Variants in MCM5 observed in about 807,000 individuals in gnomAD.
MCM5 encodes the protein DNA replication licensing factor MCM5.
MCM5 carries 46 observed loss-of-function variants against 79.9 expected under a neutral mutation model. The ratio of observed to expected loss-of-function variants is 0.58; its 90% CI spans 0.45 to 0.74. The LOEUF is 0.74. Among genes scored for constraint, MCM5 ranks in the 30% least tolerant of loss-of-function variants. The pLI, the probability that MCM5 is intolerant of heterozygous loss-of-function variation, is 0.00. For missense variants in MCM5, 883 were observed against 1,017.0 expected (o/e 0.87, Z 1.79); for synonymous variants, 404 against 390.5 (o/e 1.03, Z -0.41).
chr22:35,422,952 T>C (rs184968820), intron 15 of MCM5: 11 of 306,650 alleles, frequency 3.6e-5, no homozygotes, highest in African/African-American at 1.5e-4. Flanking sequence ...ATGTCTCTGC[T>C]GCGCTGGGCC....
Position 35,408,476 on chromosome 22 carries a change from TG to T in MCM5, c.667del (p.Asp223ThrfsTer5). 1 of 1,614,192 alleles carries T rather than the reference TG, an allele frequency of 6.2e-7. No individual in the cohort carries two copies. The highest frequency in any genetic ancestry group is 8.5e-7 in the Non-Finnish European group (1 of 1,180,026). ...ATCATGCCCGACAAATGCAAATGCG[TG>T]GACTTCCAGACCCTGAAGCTGCAGG... ...YFIMPDKCKC[V>X]DFQTLKLQEL... On this transcript the variant is annotated frameshift_variant, in exon 6 of 17. Transcript: ENST00000216122. LOFTEE classifies it high-confidence loss of function.
chr22:35,436,658 T>C, the MCM5 span, among the ~76,000 whole-genome samples: 83 of 152,226 alleles, frequency 5.5e-4, 2 homozygotes, highest in South Asian at 0.017. Context: ...TGCTCAGCTC[T>C]CCCCAGCCCT....
chr22:35,410,221 T>G (rs1334138292), intron 6 of MCM5: 1 of 166,520 alleles, frequency 6.0e-6, no homozygotes, highest in African/African-American at 2.4e-5. Flanking sequence ...ACTTGGAGAC[T>G]TCCCTGTTTC....
chr22:35,412,362 C>G (rs1449997971), intron 7 of MCM5, 148 bp from the exon 8 acceptor site: 2 of 543,456 alleles, frequency 3.7e-6, no homozygotes, highest in African/African-American at 1.9e-5. Flanking sequence ...GAGCTGGGAT[C>G]TCTGTTTACT....
At chr22:35,439,378 T>C in the MCM5 span, among the ~76,000 whole-genome samples, 3 of 148,884 alleles carry the variant, frequency 2.0e-5, no homozygotes, top group African/African-American at 7.5e-5. Flanking sequence ...TATTCATCCA[T>C]CTATCCATAC....
chr22:35,434,443 C>T, the MCM5 span, among the ~76,000 whole-genome samples: 3 of 152,152 alleles, frequency 2.0e-5, no homozygotes, highest in East Asian at 3.8e-4. Flanking sequence ...ATCCATTTAT[C>T]GGTCCCAGGG....
At chr22:35,404,735 T>C (rs1215220893) in intron 4 of MCM5, among the ~76,000 whole-genome samples, 1 of 152,148 alleles carries the variant, frequency 6.6e-6, no homozygotes, top group Non-Finnish European at 1.5e-5. Context: ...CCTGCTTTCT[T>C]TGAGAGCCCC....
At chr22:35,453,819 T>TATATATATATATAGAGAGAGAG in the MCM5 span, among the ~76,000 whole-genome samples, 8 of 81,540 alleles carry the variant, frequency 9.8e-5, no homozygotes, top group African/African-American at 4.2e-4. Flanking sequence ...TATATATATA[T>TATATATATATATAGAGAGAGAG]AGAGAGAGAG....
In MCM5 at chr22:35,419,964, A is replaced by C; in HGVS notation, c.1784A>C (p.Gln595Pro). Residue 595 changes from glutamine to proline, a missense_variant, in exon 14 of 17, where the codon CAG (glutamine) becomes CCG (proline). By Grantham distance (76) the Gln-to-Pro change is moderately conservative. Transcript: ENST00000216122. ...ATCATCATGCGGAGCGGGGCCCGTC[A>C]GCACGAGAGGGACAGTGACCGCCGC... ...RYIIMRSGAR[Q>P]HERDSDRRSS... is the part of the protein sequence containing the mutation. The C allele has an allele frequency of 6.2e-7, 1 of 1,613,182 alleles. No homozygotes were observed. Among genetic ancestry groups the C allele is most frequent in the Non-Finnish European group, 8.5e-7 (1 of 1,179,674 alleles).
At position 35,424,459 on chromosome 22, in the gene MCM5, GC is replaced by G; in HGVS notation, c.*205del. On this transcript the variant is annotated 3_prime_UTR_variant, in exon 17 of 17. Transcript: ENST00000216122. ...CCTCTAGCGCGGTTCTGGGAAGTGTGCTTTTGGCATCCGTTAATAATAAAGC... is the reference window on the plus strand; with the variant it reads ...CCTCTAGCGCGGTTCTGGGAAGTGTGTTTTGGCATCCGTTAATAATAAAGC... 2.0e-6 allele frequency: 1 copy of G among 508,876 alleles called. No homozygotes were observed. Among genetic ancestry groups the G allele is most frequent in the Non-Finnish European group, 3.5e-6 (1 of 288,530 alleles). The allele number at this position is 508,876 out of a possible 1,614,324, so 31.5% of individuals were successfully genotyped here.
intron 15 of MCM5, chr22:35,422,501 G>A (rs1488385714): frequency 6.6e-6 from 1 of 152,308 alleles, no homozygotes; most frequent in African/African-American, 2.4e-5. Context: ...TGTTCCTCCT[G>A]TCCCCCTTGG....
intron 4 of MCM5, among the ~76,000 whole-genome samples, chr22:35,405,742 G>T (rs2145785170): frequency 6.6e-6 from 1 of 152,166 alleles, no homozygotes; most frequent in Non-Finnish European, 1.5e-5. Context: ...GGGCGCGGTG[G>T]CTCATGCCTG....
chr22:35,445,619 C>G, the MCM5 span, among the ~76,000 whole-genome samples: 1 of 152,006 alleles, frequency 6.6e-6, no homozygotes, highest in African/African-American at 2.4e-5. Flanking sequence ...ACGCCATTCT[C>G]ATGCCTCAGC....
At chr22:35,420,643 TA>T (rs1932670776) in intron 14 of MCM5, among the ~76,000 whole-genome samples, 2 of 152,194 alleles carry the variant, frequency 1.3e-5, no homozygotes, top group East Asian at 3.8e-4. Flanking sequence ...AGATGGCCGC[TA>T]GAACTTCAGC....
intron 13 of MCM5, among the ~76,000 whole-genome samples, chr22:35,419,514 G>C (rs189233709): frequency 2.6e-5 from 4 of 152,332 alleles, no homozygotes; most frequent in Admixed American, 1.3e-4. Flanking sequence ...CCACCACCCA[G>C]TGGGCCTCCA....
At chr22:35,412,882 CCCTGGCAAGGGGGAGACTGGGGG>C in intron 8 of MCM5, among the ~76,000 whole-genome samples, 1 of 152,294 alleles carries the variant, frequency 6.6e-6, no homozygotes, top group East Asian at 1.9e-4. Context: ...GATGCCCTGA[CCCTGGCAAGGGGGAGACTGGGGG>C]CCTGGCAAGT....
chr22:35,400,970 C>T (rs1932029859), intron 2 of MCM5, among the ~76,000 whole-genome samples: 1 of 152,152 alleles, frequency 6.6e-6, no homozygotes, highest in South Asian at 2.1e-4. Context: ...CCCCCGCCAT[C>T]ACCACGCCCG....
chr22:35,446,401 C>T, the MCM5 span, among the ~76,000 whole-genome samples: 5 of 152,142 alleles, frequency 3.3e-5, no homozygotes, highest in African/African-American at 9.7e-5. Flanking sequence ...AGCCCTCTCT[C>T]CTGACTCTAG....
At chr22:35,405,643 A>G (rs1040431821) in intron 4 of MCM5, among the ~76,000 whole-genome samples, 11 of 152,148 alleles carry the variant, frequency 7.2e-5, no homozygotes, top group Non-Finnish European at 1.3e-4. Flanking sequence ...TCGGTATTAC[A>G]GGCGTGATCC....
Sources: allele counts gnomAD v4.1 joint callset (sites outside exome capture counted in the v4.1 genomes callset), GRCh38; gene constraint gnomAD v4.1.1; transcripts MANE v1.5; gene names NCBI Gene and HGNC (gene_info 2026-07-23, HGNC 2026-07-21).